The following TNR variants were observed in gnomAD, a reference collection of about 807,000 sequenced individuals.
The protein encoded by TNR is tenascin-R.
Under a neutral mutation model 150.4 loss-of-function variants are expected in TNR, and 45 were observed. That is an observed-to-expected ratio of 0.30 (90% CI 0.24 to 0.38). TNR has a LOEUF of 0.38. TNR is among the 10% of genes least tolerant of loss of function. The pLI, the probability that TNR is intolerant of heterozygous loss-of-function variation, is 1.00. For missense variants in TNR, 1,544 were observed against 1,759.1 expected (o/e 0.88, Z 2.19); for synonymous variants, 687 against 678.4 (o/e 1.01, Z -0.20).
intron 2 of TNR, among the ~76,000 whole-genome samples, chr1:175,489,025 C>T (rs867434578): frequency 2.6e-5 from 4 of 152,134 alleles, no homozygotes; most frequent in Admixed American, 1.3e-4. Context: ...GTGCCACAGC[C>T]CCAGAATTTC....
intron 1 of TNR, among the ~76,000 whole-genome samples, chr1:175,722,521 G>A (rs999073265): frequency 6.6e-6 from 1 of 152,138 alleles, no homozygotes; most frequent in South Asian, 2.1e-4. Flanking sequence ...CTAGAGTGCA[G>A]TGGCACCATC....
At chr1:175,723,700 C>G (rs1477484596) in intron 1 of TNR, among the ~76,000 whole-genome samples, 1 of 152,014 alleles carries the variant, frequency 6.6e-6, no homozygotes, top group East Asian at 1.9e-4. Context: ...GGTGAAACCC[C>G]GTCTCTACTA....
chr1:175,518,714 A>T (rs113906129), intron 2 of TNR, among the ~76,000 whole-genome samples: 91 of 152,216 alleles, frequency 6.0e-4, no homozygotes, highest in African/African-American at 2.1e-3. Flanking sequence ...ACCTTTTAGC[A>T]TCATCTACAT....
intron 1 of TNR, among the ~76,000 whole-genome samples, chr1:175,634,088 A>G (rs1664420079): frequency 6.6e-6 from 1 of 152,156 alleles, no homozygotes; most frequent in Admixed American, 6.5e-5. Flanking sequence ...TAACCACTTG[A>G]CACAATGAAT....
chr1:175,626,311 T>C (rs1232516187), intron 1 of TNR, among the ~76,000 whole-genome samples: 2 of 152,232 alleles, frequency 1.3e-5, no homozygotes, highest in African/African-American at 2.4e-5. Context: ...TTGATAACTA[T>C]GATCGTGCAA....
chr1:175,458,489 A>G (rs1409010682), intron 2 of TNR, among the ~76,000 whole-genome samples: 1 of 152,214 alleles, frequency 6.6e-6, no homozygotes, highest in Non-Finnish European at 1.5e-5. Flanking sequence ...AGCTAAGGCA[A>G]ATGAGTAAGG....
At chr1:175,605,827 A>C (rs1393708382) in intron 1 of TNR, among the ~76,000 whole-genome samples, 1 of 152,124 alleles carries the variant, frequency 6.6e-6, no homozygotes, top group African/African-American at 2.4e-5. Context: ...CATCTTTCAG[A>C]GTTTCTTTCC....
At chr1:175,552,930 A>T (rs1242916970) in intron 1 of TNR, among the ~76,000 whole-genome samples, 1 of 152,120 alleles carries the variant, frequency 6.6e-6, no homozygotes, top group Non-Finnish European at 1.5e-5. Flanking sequence ...AGAAGTGGCC[A>T]CCCTGGCCAG....
intron 1 of TNR, among the ~76,000 whole-genome samples, chr1:175,573,730 G>A (rs1017458465): frequency 6.6e-6 from 1 of 152,180 alleles, no homozygotes. Flanking sequence ...GGGGTGGCAG[G>A]GTGGGCGTGG....
intron 1 of TNR, among the ~76,000 whole-genome samples, chr1:175,555,795 G>T (rs1334091128): frequency 6.6e-6 from 1 of 152,204 alleles, no homozygotes; most frequent in Non-Finnish European, 1.5e-5. Flanking sequence ...TAAAGTAGCT[G>T]ACCCAAGTTC....
intron 1 of TNR, among the ~76,000 whole-genome samples, chr1:175,593,826 C>T (rs1456007985): frequency 3.3e-5 from 5 of 152,158 alleles, no homozygotes; most frequent in Non-Finnish European, 7.4e-5. Flanking sequence ...TCTCAAGTTT[C>T]CCTCCACAGC....
rs565772310 is a variant in TNR, at chr1:175,738,453, G to A, written c.-165+4773C>T. ...AAATATTGTATGATTTCACTTACAT[G>A]TAGTACCTAGGATAGTCAGGTTCAT... On this transcript the variant is annotated intron_variant, in intron 1 of 22. Coordinates refer to ENST00000367674, the MANE Select transcript of TNR (RefSeq NM_003285.3). Among the ~76,000 whole-genome samples, 12 of 152,316 alleles carry A rather than the reference G, an allele frequency of 7.9e-5. 1 individual carries two copies. Among genetic ancestry groups the A allele is most frequent in the African/African-American group, 2.9e-4 (12 of 41,580 alleles).
rs554534006 is a variant in TNR at position 175,705,439 on chromosome 1, C to G, written c.-165+37787G>C. Among the ~76,000 whole-genome samples, 79 of 152,162 alleles carry G rather than the reference C, an allele frequency of 5.2e-4. 1 individual carries two copies. The highest frequency in any genetic ancestry group is 1.7e-3 in the African/African-American group (70 of 41,510). ...TTATGAAATTAAATGTAAGTGTTCT[C>G]TACATTGAAGATTGATCTAAATTCT... On this transcript the variant is annotated intron_variant, in intron 1 of 22. Transcript: ENST00000367674.
intron 2 of TNR, among the ~76,000 whole-genome samples, chr1:175,420,709 CTGTAAAGCA>C (rs1488280838): frequency 6.6e-6 from 1 of 152,156 alleles, no homozygotes; most frequent in African/African-American, 2.4e-5. Flanking sequence ...TCTACCAATT[CTGTAAAGCA>C]TGTAAGGTGG....
chr1:175,435,524 GGAACGTT>G (rs1244630612), intron 2 of TNR, among the ~76,000 whole-genome samples: 2 of 152,164 alleles, frequency 1.3e-5, no homozygotes, highest in Non-Finnish European at 2.9e-5. Flanking sequence ...CATACTGAGG[GGAACGTT>G]GAATATACGA....
intron 1 of TNR, among the ~76,000 whole-genome samples, chr1:175,675,305 GC>G (rs1218640232): frequency 6.6e-6 from 1 of 152,166 alleles, no homozygotes; most frequent in African/African-American, 2.4e-5. Context: ...TACTGAACCT[GC>G]CTCACAGAGG....
chr1:175,331,156 T>TTTC (rs1649878573), intron 20 of TNR, among the ~76,000 whole-genome samples: 19 of 104,624 alleles, frequency 1.8e-4, no homozygotes, highest in African/African-American at 5.8e-4. Flanking sequence ...CCTTTCTTTC[T>TTTC]TTTTCTTTCC....
intron 22 of TNR, 137 bp from the exon 23 acceptor site, chr1:175,323,613 G>T: frequency 4.0e-6 from 5 of 1,246,736 alleles, no homozygotes; most frequent in Non-Finnish European, 5.5e-6. Flanking sequence ...CTTCAAGGCC[G>T]AGTTCCCAAT....
chr1:175,680,170 G>C (rs552742209), intron 1 of TNR, among the ~76,000 whole-genome samples: 4 of 152,320 alleles, frequency 2.6e-5, no homozygotes, highest in African/African-American at 9.6e-5. Context: ...AAGAGATCGC[G>C]ATGTCTCTTG....
Sources: allele counts gnomAD v4.1 joint callset (sites outside exome capture counted in the v4.1 genomes callset), GRCh38; gene constraint gnomAD v4.1.1; transcripts MANE v1.5; gene names NCBI Gene and HGNC (gene_info 2026-07-23, HGNC 2026-07-21).